The following KIF13B variants were observed in gnomAD, a reference collection of about 807,000 sequenced individuals.
The protein encoded by KIF13B is kinesin-like protein KIF13B.
In KIF13B, 127 loss-of-function variants were observed where a neutral mutation model predicts 222.0. The ratio of observed to expected loss-of-function variants is 0.57; its 90% CI spans 0.50 to 0.66. The LOEUF (loss-of-function observed/expected upper bound fraction) is 0.66. KIF13B is among the 30% of genes least tolerant of loss of function. The pLI is 0.00. For missense variants in KIF13B, 2,173 were observed against 2,379.0 expected, an observed-to-expected ratio of 0.91 and a Z score of 1.80; for synonymous variants, 976 against 919.0, an observed-to-expected ratio of 1.06 and a Z score of -1.12.
rs1237680228 is a variant in KIF13B at position 29,245,440 on chromosome 8, C to A, written c.56-1G>T. On this transcript the variant is annotated splice_acceptor_variant, in intron 1 of 39. Transcript: ENST00000524189. LOFTEE classifies it high-confidence loss of function. ...ACACATTTGGTATGCAAGTCAGTCT[C>A]TGTGGATAAAAAAACAAGAAAAACA... is the stretch of plus-strand genomic sequence containing the variant. The A allele has an allele frequency of 6.4e-7, 1 of 1,570,288 alleles. No homozygotes were observed. Among genetic ancestry groups the A allele is most frequent in the Non-Finnish European group, 8.6e-7 (1 of 1,158,306 alleles).
intron 35 of KIF13B, among the ~76,000 whole-genome samples, chr8:29,105,594 ATTATTTTCTG>A (rs1809018276): frequency 7.9e-6 from 1 of 127,146 alleles, no homozygotes; most frequent in Admixed American, 8.1e-5. Flanking sequence ...AGTAGATTCT[ATTATTTTCTG>A]TTATTGTATC....
chr8:29,154,123 C>T (rs1172379245), intron 14 of KIF13B, among the ~76,000 whole-genome samples: 1 of 152,046 alleles, frequency 6.6e-6, no homozygotes, highest in African/African-American at 2.4e-5. Context: ...CCAATCTGGG[C>T]AACATATCAA....
At chr8:29,146,580 T>G (rs762079303) in intron 17 of KIF13B, 40 bp from the exon 18 acceptor site, 62 of 1,573,066 alleles carry the variant, frequency 3.9e-5, no homozygotes, top group Non-Finnish European at 5.3e-5. Context: ...AGGGAAGAGA[T>G]TAACACAAAG....
chr8:29,117,031 C>T, intron 30 of KIF13B, 24 bp from the exon 31 acceptor site: 1 of 1,531,170 alleles, frequency 6.5e-7, no homozygotes, highest in South Asian at 1.2e-5. Flanking sequence ...AGAGAGGAAA[C>T]AGGTTTCTCT....
At chr8:29,098,723 T>A (rs1243304976) in intron 36 of KIF13B, among the ~76,000 whole-genome samples, 1 of 150,764 alleles carries the variant, frequency 6.6e-6, no homozygotes, top group Non-Finnish European at 1.5e-5. Context: ...GTAATACTAA[T>A]CTTACATAAA....
At chr8:29,116,722 T>G (rs1809614414) in intron 31 of KIF13B, 109 bp downstream of exon 31, 2 of 995,670 alleles carry the variant, frequency 2.0e-6, no homozygotes, top group East Asian at 5.2e-5. Context: ...AAAGAAAAGC[T>G]CAGTGCTTCC....
intron 2 of KIF13B, among the ~76,000 whole-genome samples, chr8:29,199,302 G>A (rs1813580260): frequency 6.6e-6 from 1 of 151,996 alleles, no homozygotes; most frequent in Non-Finnish European, 1.5e-5. Flanking sequence ...CATGCTACAT[G>A]ACTCCATTCT....
Position 29,167,316 on chromosome 8 carries a change from GCT to G in KIF13B, c.1158+55_1158+56del. 2.1e-6 allele frequency: 3 copies of G among 1,431,262 alleles called. No homozygotes were observed. In the African/African-American group the frequency reaches 4.2e-5, roughly 20 times the overall value. 88.7% of individuals were successfully genotyped at this position (1,431,262 alleles called of 1,614,324 possible). A position where few individuals can be genotyped will look rare whatever the true frequency, so the allele number is the denominator to read the frequency against. On this transcript the variant is annotated intron_variant, in intron 11 of 39. Transcript: ENST00000524189. Reference sequence around the variant, plus strand: ...CACAGCCCAGGGGAAGGAAATTCAAGCTCTAGGCTGATTCCTCTTCCTGGACT... The same window carrying G: ...CACAGCCCAGGGGAAGGAAATTCAAGCTAGGCTGATTCCTCTTCCTGGACT...
At chr8:29,141,192 G>T (rs761098261) in intron 19 of KIF13B, among the ~76,000 whole-genome samples, 1 of 152,132 alleles carries the variant, frequency 6.6e-6, no homozygotes, top group Non-Finnish European at 1.5e-5. Context: ...AAATTAGCCA[G>T]GTGTGGTGGT....
chr8:29,235,269 A>G (rs1173070683), intron 2 of KIF13B, among the ~76,000 whole-genome samples: 1 of 152,242 alleles, frequency 6.6e-6, no homozygotes, highest in Non-Finnish European at 1.5e-5. Flanking sequence ...TTGGGAGTCT[A>G]GAAAGGTTAC....
At position 29,070,340 on chromosome 8, in the gene KIF13B, C is replaced by T; in HGVS notation, c.*164G>A. 2.8e-6 allele frequency: 2 copies of T among 712,864 alleles called. No homozygotes were observed. Among genetic ancestry groups the T allele is most frequent in the Non-Finnish European group, 4.5e-6 (2 of 440,704 alleles). The allele number at this position is 712,864 out of a possible 1,614,324, so 44.2% of individuals were successfully genotyped here. A position where few individuals can be genotyped will look rare whatever the true frequency, so the allele number is the denominator to read the frequency against. On this transcript the variant is annotated 3_prime_UTR_variant, in exon 40 of 40. Transcript: ENST00000524189. The surrounding 1 kb of genome is among the most constrained non-coding windows in gnomAD (Gnocchi z 4.1). Reference sequence around the variant, plus strand: ...TTACCCGGGTACAGAAGAAACAAAGCTTCCAGAGGCCCAGGGAGGTCACCA... The same window carrying T: ...TTACCCGGGTACAGAAGAAACAAAGTTTCCAGAGGCCCAGGGAGGTCACCA...
intron 36 of KIF13B, among the ~76,000 whole-genome samples, chr8:29,096,101 C>T (rs1808513795): frequency 6.6e-6 from 1 of 151,486 alleles, no homozygotes; most frequent in South Asian, 2.1e-4. Flanking sequence ...CCTGCCTCAG[C>T]CTCCGGAGGA....
Position 29,096,245 on chromosome 8 carries a change from A to G in KIF13B, c.4324+2888T>C, listed in dbSNP as rs551670516. Among the ~76,000 whole-genome samples, 3 of 151,466 alleles carry G rather than the reference A, an allele frequency of 2.0e-5. No individual in the cohort carries two copies. In the East Asian group the frequency reaches 5.8e-4, roughly 29 times the overall value. On this transcript the variant is annotated intron_variant, in intron 36 of 39. Transcript: ENST00000524189. Reference sequence around the variant, plus strand: ...TGATCCCCCCTGCCTTGGCCTCCCAAAGTGCTGGGATTACAGGCGTAAGCC... The same window carrying G: ...TGATCCCCCCTGCCTTGGCCTCCCAGAGTGCTGGGATTACAGGCGTAAGCC...
intron 35 of KIF13B, among the ~76,000 whole-genome samples, chr8:29,100,917 A>AAG (rs1563699955): frequency 1.3e-5 from 2 of 152,178 alleles, no homozygotes; most frequent in Non-Finnish European, 2.9e-5. Context: ...ATAAGCCCTA[A>AAG]GTGATCTGGG....
chr8:29,260,856 G>A (rs1055509394), intron 1 of KIF13B, among the ~76,000 whole-genome samples: 26 of 152,270 alleles, frequency 1.7e-4, no homozygotes, highest in African/African-American at 6.0e-4. Context: ...GACCTCAGGT[G>A]ATCCACCCGC....
chr8:29,110,292 G>A (rs577248225), intron 32 of KIF13B, among the ~76,000 whole-genome samples: 1 of 152,160 alleles, frequency 6.6e-6, no homozygotes, highest in Non-Finnish European at 1.5e-5. Context: ...GAAACACAGC[G>A]CATTCTCAAC....
intron 14 of KIF13B, among the ~76,000 whole-genome samples, chr8:29,154,478 G>T (rs1811429859): frequency 6.6e-6 from 1 of 152,192 alleles, no homozygotes; most frequent in African/African-American, 2.4e-5. Flanking sequence ...ACTTCAGACA[G>T]AATTTAAGAA....
intron 35 of KIF13B, among the ~76,000 whole-genome samples, chr8:29,107,313 C>A (rs529505554): frequency 4.0e-5 from 6 of 151,816 alleles, no homozygotes; most frequent in Non-Finnish European, 5.9e-5. Context: ...GGATTACCTG[C>A]GGTCTGGAGT....
Position 29,071,692 on chromosome 8 carries a change from C to T in KIF13B, c.5146G>A (p.Val1716Met), listed in dbSNP as rs779345859. The T allele has an allele frequency of 2.6e-6, 4 of 1,553,044 alleles. No homozygotes were observed. Among genetic ancestry groups the T allele is most frequent in the African/African-American group, 1.4e-5 (1 of 73,208 alleles). Reference sequence around the variant, plus strand: ...TCGGCAGGCCCCACGTATCTCACCACGCCCGTTTTGTGGGCGCCCACGGTG... The same window carrying T: ...TCGGCAGGCCCCACGTATCTCACCATGCCCGTTTTGTGGGCGCCCACGGTG... ...FVTVGAHKTG[V>M]VRYVGPADFQ... is the part of the protein sequence containing the mutation. The change falls in exon 39 of 40, where the codon GTG becomes ATG. Residue 1716 changes from valine to methionine, a missense_variant. This residue lies in a region of KIF13B where 693 missense variants were observed against 656.2 expected (regional missense o/e 1.06). Transcript: ENST00000524189. This position sits in a 1 kb window ranked among gnomAD's most constrained non-coding sequence, Gnocchi z 4.9.
Sources: allele counts gnomAD v4.1 joint callset (sites outside exome capture counted in the v4.1 genomes callset), GRCh38; gene constraint gnomAD v4.1.1; regional missense constraint gnomAD v4.1.1; non-coding constraint Gnocchi (gnomAD v3.1); transcripts MANE v1.5; gene names NCBI Gene and HGNC (gene_info 2026-07-23, HGNC 2026-07-21).